Variants in FRMD4B observed in about 807,000 individuals in gnomAD.
The protein encoded by FRMD4B is FERM domain containing 4B.
Under a neutral mutation model 141.5 loss-of-function variants are expected in FRMD4B, and 74 were observed. The observed-to-expected ratio is 0.52, with a 90% confidence interval of 0.43 to 0.63. The LOEUF is 0.63. Among genes scored for constraint, FRMD4B ranks in the 30% least tolerant of loss-of-function variants. FRMD4B has a pLI of 0.00. For missense variants in FRMD4B, 1,366 were observed against 1,253.4 expected, an observed-to-expected ratio of 1.09 and a Z score of -1.36; for synonymous variants, 506 against 467.9, an observed-to-expected ratio of 1.08 and a Z score of -1.05.
In FRMD4B at chr3:69,385,954, C is replaced by CA. The variant is rs1704242186; in HGVS notation, c.35dup (p.Leu13AlafsTer56). On this transcript the variant is annotated frameshift_variant, in exon 1 of 23. Transcript: ENST00000398540. LOFTEE classifies it high-confidence loss of function. Reference sequence around the variant, plus strand: ...ATACGAAGCGGCTGCCGCTGAACAGCAGGTCCTCCACGCCACACATGAACA... The same window carrying CA: ...ATACGAAGCGGCTGCCGCTGAACAGCAAGGTCCTCCACGCCACACATGAACA... 6.2e-7 allele frequency: 1 copy of CA among 1,605,244 alleles called. No homozygotes were observed. Among genetic ancestry groups the CA allele is most frequent in the African/African-American group, 1.3e-5 (1 of 74,744 alleles).
chr3:69,351,226 T>C (rs573340104), intron 1 of FRMD4B, among the ~76,000 whole-genome samples: 1 of 152,304 alleles, frequency 6.6e-6, no homozygotes, highest in African/African-American at 2.4e-5. Context: ...GGCTTACTTT[T>C]CCAGTTTAGG....
Position 69,171,494 on chromosome 3 carries a change from T to C in FRMD4B, c.*367A>G. ...TGCTCTGAGATTTCCCCTGTTCTTATTGCCATGGGACATCCTGAATGCCCT... is the reference window on the plus strand; with the variant it reads ...TGCTCTGAGATTTCCCCTGTTCTTACTGCCATGGGACATCCTGAATGCCCT... On this transcript the variant is annotated 3_prime_UTR_variant, in exon 23 of 23. Coordinates refer to ENST00000398540, the MANE Select transcript of FRMD4B (RefSeq NM_015123.3). The C allele has an allele frequency of 5.6e-6, 1 of 178,112 alleles. No individual in the cohort carries two copies. Among genetic ancestry groups the C allele is most frequent in the Non-Finnish European group, 1.2e-5 (1 of 84,912 alleles). 11.0% of individuals were successfully genotyped at this position (178,112 alleles called of 1,614,324 possible).
At chr3:69,188,040 G>T (rs1386889918) in intron 18 of FRMD4B, 123 bp from the exon 19 acceptor site, 3 of 644,214 alleles carry the variant, frequency 4.7e-6, no homozygotes, top group African/African-American at 3.8e-5. Context: ...TTCCAAAGAT[G>T]ATATTTTTAG....
intron 1 of FRMD4B, among the ~76,000 whole-genome samples, chr3:69,475,383 A>T (rs1705969794): frequency 6.8e-6 from 1 of 147,350 alleles, no homozygotes; most frequent in African/African-American, 2.5e-5. Context: ...CAGTCCCCAG[A>T]GTGTAACGTT....
chr3:69,286,078 C>G (rs1392837018), intron 5 of FRMD4B, among the ~76,000 whole-genome samples: 1 of 152,032 alleles, frequency 6.6e-6, no homozygotes, highest in Non-Finnish European at 1.5e-5. Flanking sequence ...AAACCAAAGG[C>G]AAATAAAGAT....
At chr3:69,299,829 G>T (rs1311176902) in intron 4 of FRMD4B, among the ~76,000 whole-genome samples, 2 of 152,100 alleles carry the variant, frequency 1.3e-5, no homozygotes, top group East Asian at 3.8e-4. Context: ...ACACATCTCG[G>T]TGTCCATGAA....
At chr3:69,536,154 C>G in intron 1 of FRMD4B, 1 of 517,956 alleles carries the variant, frequency 1.9e-6, no homozygotes, top group Non-Finnish European at 3.6e-6. Flanking sequence ...GCCTTCTGCA[C>G]CTCTGCTGGC....
intron 5 of FRMD4B, among the ~76,000 whole-genome samples, chr3:69,268,793 A>G (rs1457429696): frequency 3.3e-5 from 5 of 151,918 alleles, no homozygotes; most frequent in African/African-American, 1.2e-4. Context: ...TTTTCAGGAT[A>G]ACATCTTCCA....
chr3:69,193,797 T>G lies in FRMD4B; in HGVS notation c.1565A>C (p.Asn522Thr). The change falls in exon 17 of 23, where the codon AAT becomes ACT. Residue 522 changes from asparagine to threonine, a missense_variant. Physicochemically the swap from Asn to Thr is moderately conservative, Grantham distance 65. Transcript: ENST00000398540. ...CACAGTTTTACAAAGGTCTGGCTCA[T>G]TGGCAAGTTTCTTTGCAGCTTCCAC... is the stretch of plus-strand genomic sequence containing the variant. ...KLVEAAKKLA[N>T]EPDLCKTVKK... 1 of 1,613,872 alleles carries G rather than the reference T, an allele frequency of 6.2e-7. No homozygotes were observed. The highest frequency in any genetic ancestry group is 8.5e-7 in the Non-Finnish European group (1 of 1,179,726).
At chr3:69,301,772 C>T (rs1490841860) in intron 4 of FRMD4B, among the ~76,000 whole-genome samples, 3 of 152,210 alleles carry the variant, frequency 2.0e-5, no homozygotes, top group African/African-American at 7.2e-5. Flanking sequence ...CCAAGCAAAC[C>T]TCAGAGAACA....
intron 1 of FRMD4B, among the ~76,000 whole-genome samples, chr3:69,342,383 G>A (rs1702768302): frequency 2.0e-5 from 3 of 152,152 alleles, no homozygotes. Context: ...ACACTATCAA[G>A]ATGCAGAGAG....
At chr3:69,345,345 G>A (rs919110158) in intron 1 of FRMD4B, among the ~76,000 whole-genome samples, 26 of 152,212 alleles carry the variant, frequency 1.7e-4, no homozygotes, top group Admixed American at 4.6e-4. Context: ...CTGGAAGCTC[G>A]AACTGGGTGG....
At chr3:69,352,470 C>T (rs1219941837) in intron 1 of FRMD4B, among the ~76,000 whole-genome samples, 1 of 152,116 alleles carries the variant, frequency 6.6e-6, no homozygotes, top group African/African-American at 2.4e-5. Flanking sequence ...CCCAATCCTG[C>T]CCACTTCCTC....
At chr3:69,356,647 T>C (rs1703332260) in intron 1 of FRMD4B, among the ~76,000 whole-genome samples, 1 of 148,716 alleles carries the variant, frequency 6.7e-6, no homozygotes, top group African/African-American at 2.5e-5. Flanking sequence ...TATATACATA[T>C]ATATATAATA....
chr3:69,215,965 C>G (rs1206787934), intron 11 of FRMD4B, among the ~76,000 whole-genome samples: 3 of 152,020 alleles, frequency 2.0e-5, no homozygotes, highest in Admixed American at 6.5e-5. Flanking sequence ...ACCAGCCTGG[C>G]CAACATGGCA....
chr3:69,323,608 GTATATATATATATATATATA>G lies in FRMD4B; in HGVS notation c.163-10111_163-10092del, dbSNP rs55847019. Among the ~76,000 whole-genome samples the G allele has an allele frequency of 2.8e-3, 287 of 101,700 alleles. 4 individuals carry two copies. The highest frequency in any genetic ancestry group is 0.013 in the Middle Eastern group (2 of 156). 66.7% of individuals were successfully genotyped at this position (101,700 alleles called of 152,430 possible). A position where few individuals can be genotyped will look rare whatever the true frequency, so the allele number is the denominator to read the frequency against. On this transcript the variant is annotated intron_variant, in intron 1 of 22. Coordinates refer to ENST00000398540, the MANE Select transcript of FRMD4B (RefSeq NM_015123.3). ...CCCAACTCTCTCTCTCTCTCTCTGT[GTATATATATATATATATATA>G]TATATATATATATATATATATATAT...
intron 7 of FRMD4B, among the ~76,000 whole-genome samples, chr3:69,242,980 G>T (rs1454346922): frequency 7.5e-6 from 1 of 132,684 alleles, no homozygotes; most frequent in East Asian, 2.4e-4. Context: ...GGCAACGAGA[G>T]TGAAACTCTG....
chr3:69,304,539 T>A (rs1701331745), intron 3 of FRMD4B, among the ~76,000 whole-genome samples: 1 of 151,262 alleles, frequency 6.6e-6, no homozygotes, highest in South Asian at 2.1e-4. Flanking sequence ...GAGTGCCACT[T>A]CTGTATATAT....
At chr3:69,243,709 G>C (rs1306714249) in intron 7 of FRMD4B, among the ~76,000 whole-genome samples, 1 of 152,174 alleles carries the variant, frequency 6.6e-6, no homozygotes, top group Non-Finnish European at 1.5e-5. Flanking sequence ...GGAGATAATA[G>C]CTAATGTGGT....
Sources: gnomAD v4.1 joint callset for allele counts (sites outside exome capture counted in the v4.1 genomes callset) on GRCh38, gnomAD v4.1.1 for gene constraint, MANE v1.5 for transcripts, NCBI Gene and HGNC (gene_info 2026-07-23, HGNC 2026-07-21) for gene names.